Variants in UMODL1 observed in about 807,000 individuals in gnomAD.
UMODL1 encodes uromodulin like 1.
UMODL1 carries 128 observed loss-of-function variants against 136.3 expected under a neutral mutation model. The ratio of observed to expected loss-of-function variants is 0.94; its 90% CI spans 0.81 to 1.09. The LOEUF (loss-of-function observed/expected upper bound fraction) is 1.09, where lower values mean the gene tolerates loss of function less well. Ranked by LOEUF, UMODL1 falls within the 50% of genes least tolerant of loss-of-function variation. The probability of loss-of-function intolerance (pLI) is 0.00; values close to 1 mark genes in which losing one functional copy is unlikely to be tolerated. For synonymous variants in UMODL1, 721 were observed against 720.0 expected (o/e 1.00, Z -0.02); for missense variants, 1,766 against 1,725.6 (o/e 1.02, Z -0.41).
intron 2 of UMODL1, among the ~76,000 whole-genome samples, chr21:42,081,812 GT>G (rs928642198): frequency 6.6e-6 from 1 of 152,088 alleles, no homozygotes; most frequent in African/African-American, 2.4e-5. Flanking sequence ...GGATTCCCCT[GT>G]TTTCCCCTGA....
At chr21:42,079,489 G>A (rs1224363827) in intron 2 of UMODL1, among the ~76,000 whole-genome samples, 1 of 152,238 alleles carries the variant, frequency 6.6e-6, no homozygotes, top group Non-Finnish European at 1.5e-5. Context: ...GGAGGGACGT[G>A]AGGCATGAGG....
At chr21:42,077,002 G>GGTGTGTGTGTGT (rs56409028) in intron 2 of UMODL1, among the ~76,000 whole-genome samples, 5 of 113,170 alleles carry the variant, frequency 4.4e-5, no homozygotes, top group East Asian at 3.0e-4. Context: ...CCAGGGGAGG[G>GGTGTGTGTGTGT]GTGTGTGTGT....
Position 42,095,089 on chromosome 21 carries a change from G to GGTTTTTTTTTTTTTTTTTT in UMODL1, c.932-3837_932-3836insGTTTTTTTTTTTTTTTTTT, listed in dbSNP as rs1555922532. ...CATCACTCCTTTGTTTTCTTCTGCT[G>GGTTTTTTTTTTTTTTTTTT]TTTTTTTTTTTTTTTTTTTTTTTGA... On this transcript the variant is annotated intron_variant, in intron 6 of 22. Coordinates refer to ENST00000408910, the MANE Select transcript of UMODL1 (RefSeq NM_001004416.3). 1.2e-3 allele frequency among the ~76,000 whole-genome samples: 75 copies of GGTTTTTTTTTTTTTTTTTT among 61,206 alleles called. 7 individuals are homozygous for GGTTTTTTTTTTTTTTTTTT. The highest frequency in any genetic ancestry group is 1.4e-3 in the African/African-American group (22 of 15,896). 40.2% of individuals were successfully genotyped at this position (61,206 alleles called of 152,430 possible).
chr21:42,092,601 TG>T (rs976543055), intron 6 of UMODL1, among the ~76,000 whole-genome samples: 2 of 152,246 alleles, frequency 1.3e-5, no homozygotes, highest in African/African-American at 4.8e-5. Flanking sequence ...TTCAAGAGTC[TG>T]GAACTGTAAC....
intron 1 of UMODL1, among the ~76,000 whole-genome samples, chr21:42,075,696 G>A (rs570731231): frequency 5.3e-5 from 8 of 152,360 alleles, no homozygotes; most frequent in East Asian, 1.9e-4. Context: ...TATATGGACC[G>A]TGAGAACCCT....
At chr21:42,125,603 C>T (rs957154793) in intron 17 of UMODL1, among the ~76,000 whole-genome samples, 7 of 152,320 alleles carry the variant, frequency 4.6e-5, no homozygotes, top group Non-Finnish European at 7.3e-5. Context: ...TCTTAGACGG[C>T]CACCTGGAGG....
Position 42,122,705 on chromosome 21 carries a change from C to A in UMODL1, c.2828-126C>A, listed in dbSNP as rs1601259050. On this transcript the variant is annotated intron_variant, in intron 16 of 22. Coordinates refer to ENST00000408910, the MANE Select transcript of UMODL1 (RefSeq NM_001004416.3). The surrounding 1 kb of genome is among the most constrained non-coding windows in gnomAD (Gnocchi z 4.3). ...TGCACGTGTGTAGTTGTGGCTGGAA[C>A]ATGCGGTTCCCAGGTGTGGCTGCTG... 1.1e-6 allele frequency: 1 copy of A among 889,552 alleles called. No individual in the cohort carries two copies. Among genetic ancestry groups the A allele is most frequent in the Non-Finnish European group, 1.7e-6 (1 of 600,350 alleles). 55.1% of individuals were successfully genotyped at this position (889,552 alleles called of 1,614,324 possible).
chr21:42,103,625 T>C, intron 8 of UMODL1: 1 of 642,346 alleles, frequency 1.6e-6, no homozygotes, highest in Non-Finnish European at 3.0e-6. Context: ...GGGAGCTTGA[T>C]TGCAGTGGTC....
Position 42,113,564 on chromosome 21 carries a change from A to G in UMODL1, c.2105-9A>G. On this transcript the variant is annotated splice_polypyrimidine_tract_variant and intron_variant, in intron 12 of 22. Transcript: ENST00000408910. ...ATTGTAATTTTGGTGTTTATATTCC[A>G]CTTCCCAGTTCCTGTCTCCATTGGG... 2.5e-6 allele frequency: 4 copies of G among 1,600,640 alleles called. No individual in the cohort carries two copies. Among genetic ancestry groups the G allele is most frequent in the African/African-American group, 1.3e-5 (1 of 74,656 alleles).
intron 5 of UMODL1, among the ~76,000 whole-genome samples, chr21:42,089,938 C>A (rs1340498530): frequency 1.3e-5 from 2 of 152,182 alleles, no homozygotes; most frequent in Non-Finnish European, 2.9e-5. Context: ...CTTGTTGGCG[C>A]AGAAAACACC....
rs375693024 is a variant in UMODL1 at position 42,116,719 on chromosome 21, T to C, written c.2475+734T>C. Among the ~76,000 whole-genome samples the C allele has an allele frequency of 2.0e-5, 3 of 151,784 alleles. No individual in the cohort carries two copies. In the East Asian group the frequency reaches 5.8e-4, roughly 29 times the overall value. ...TGGTTTAGACTATTTTGCAAAATTG[T>C]GCAACCATCACTACTAATTCCAGAA... On this transcript the variant is annotated intron_variant, in intron 14 of 22. Coordinates refer to ENST00000408910, the MANE Select transcript of UMODL1 (RefSeq NM_001004416.3).
At chr21:42,107,453 A>G (rs933236334) in intron 9 of UMODL1, among the ~76,000 whole-genome samples, 1 of 152,218 alleles carries the variant, frequency 6.6e-6, no homozygotes, top group Non-Finnish European at 1.5e-5. Context: ...TCCCCTCTGC[A>G]GAGTGAGAGA....
intron 2 of UMODL1, 112 bp downstream of exon 2, chr21:42,076,359 C>T: frequency 3.3e-6 from 5 of 1,515,112 alleles, no homozygotes; most frequent in Non-Finnish European, 4.5e-6. Flanking sequence ...CTTCCAGGAG[C>T]ACGGCTCCCA....
At chr21:42,132,116 A>G (rs993274672) in intron 21 of UMODL1, among the ~76,000 whole-genome samples, 1 of 151,924 alleles carries the variant, frequency 6.6e-6, no homozygotes, top group African/African-American at 2.4e-5. Flanking sequence ...CCATACATCT[A>G]TCTCATCTTT....
At chr21:42,104,440 T>TTTTTC (rs547597265) in intron 9 of UMODL1, among the ~76,000 whole-genome samples, 18 of 151,918 alleles carry the variant, frequency 1.2e-4, no homozygotes, top group African/African-American at 3.9e-4. Flanking sequence ...CTTTTTTTTC[T>TTTTTC]TTTTCTTTTC....
At chr21:42,114,718 G>A (rs1439323904) in intron 13 of UMODL1, among the ~76,000 whole-genome samples, 1 of 152,256 alleles carries the variant, frequency 6.6e-6, no homozygotes, top group Non-Finnish European at 1.5e-5. Context: ...CAGATGGAGT[G>A]CATGACGTGA....
Position 42,123,273 on chromosome 21 carries a change from G to T in UMODL1, c.3147+123G>T. The T allele has an allele frequency of 3.4e-6, 4 of 1,166,286 alleles. No individual in the cohort carries two copies. Among genetic ancestry groups the T allele is most frequent in the East Asian group, 2.6e-5 (1 of 39,184 alleles). The allele number at this position is 1,166,286 out of a possible 1,614,324, so 72.2% of individuals were successfully genotyped here. A position where few individuals can be genotyped will look rare whatever the true frequency, so the allele number is the denominator to read the frequency against. ...CCCCGAGGGGAACCCAGCAAGGGGG[G>T]TTCAGGACAGGGTTGAGTTCTCAAC... On this transcript the variant is annotated intron_variant, in intron 17 of 22. Coordinates refer to ENST00000408910, the MANE Select transcript of UMODL1 (RefSeq NM_001004416.3). This position sits in a 1 kb window ranked among gnomAD's most constrained non-coding sequence, Gnocchi z 4.4.
rs2067057209 is a variant in UMODL1, at chr21:42,126,489, G to A, written c.3292G>A (p.Gly1098Arg). Residue 1098 changes from glycine to arginine, a missense_variant and splice_region_variant, in exon 18 of 23, where the codon GGG becomes AGG. Coordinates refer to ENST00000408910, the MANE Select transcript of UMODL1 (RefSeq NM_001004416.3). ...ATCCTCCGGCTTCACCCTGGAGTGGGGGTAAGGGAGAAATGCCCCGGCTGC... is the reference window on the plus strand; with the variant it reads ...ATCCTCCGGCTTCACCCTGGAGTGGAGGTAAGGGAGAAATGCCCCGGCTGC... ...LTSSGFTLEW[G>R]VYTIIEDLHG... is the part of the protein sequence containing the mutation. 3 of 1,614,234 alleles carry A rather than the reference G, an allele frequency of 1.9e-6. No individual in the cohort carries two copies. In the East Asian group the frequency reaches 6.7e-5, roughly 36 times the overall value.
intron 20 of UMODL1, 107 bp downstream of exon 20, chr21:42,127,938 A>G (rs1601274728): frequency 6.8e-7 from 1 of 1,460,102 alleles, no homozygotes. Context: ...CTCGGGGCCA[A>G]CCTCTGGGAG....
Sources: gnomAD v4.1 joint callset for allele counts (sites outside exome capture counted in the v4.1 genomes callset) on GRCh38, gnomAD v4.1.1 for gene constraint, Gnocchi (gnomAD v3.1) non-coding constraint, MANE v1.5 for transcripts, NCBI Gene and HGNC (gene_info 2026-07-23, HGNC 2026-07-21) for gene names.